The following DLG2 variants were observed in gnomAD, a reference collection of about 807,000 sequenced individuals.
The protein encoded by DLG2 is discs large MAGUK scaffold protein 2.
A neutral mutation model predicts 132.5 loss-of-function variants in DLG2; 45 were observed. The observed-to-expected ratio is 0.34, with a 90% CI of 0.27 to 0.44. The LOEUF is 0.44. DLG2 is among the 20% of genes least tolerant of loss of function. The pLI is 1.00. For missense variants in DLG2, 1,045 were observed against 1,196.9 expected, an observed-to-expected ratio of 0.87 and a Z score of 1.87; for synonymous variants, 424 against 419.6, an observed-to-expected ratio of 1.01 and a Z score of -0.13.
intron 6 of DLG2, among the ~76,000 whole-genome samples, chr11:84,746,344 T>A (rs1048799083): frequency 2.0e-5 from 3 of 151,768 alleles, no homozygotes; most frequent in African/African-American, 7.3e-5. Flanking sequence ...TACTACTGAA[T>A]AAAGGTGACA....
chr11:85,585,720 T>A (rs1486409718), intron 3 of DLG2, among the ~76,000 whole-genome samples: 1 of 152,054 alleles, frequency 6.6e-6, no homozygotes, highest in Non-Finnish European at 1.5e-5. Flanking sequence ...TCACAGTTTT[T>A]TTTTTTTTTC....
At chr11:83,583,284 G>T (rs995841353) in intron 19 of DLG2, among the ~76,000 whole-genome samples, 3 of 152,152 alleles carry the variant, frequency 2.0e-5, no homozygotes, top group Non-Finnish European at 2.9e-5. Context: ...GACAGAGCAG[G>T]TCTCCTCCAG....
intron 8 of DLG2, among the ~76,000 whole-genome samples, chr11:84,169,854 C>G (rs2095776742): frequency 7.0e-6 from 1 of 141,978 alleles, no homozygotes; most frequent in African/African-American, 2.6e-5. Flanking sequence ...GCCTGGGCAA[C>G]AGAGTGAGAC....
intron 16 of DLG2, among the ~76,000 whole-genome samples, chr11:83,836,857 A>G (rs1034555772): frequency 6.6e-6 from 1 of 152,172 alleles, no homozygotes; most frequent in Non-Finnish European, 1.5e-5. Context: ...TTTGATGTAA[A>G]ATAGAGTCCT....
At chr11:84,700,766 C>T (rs746818912) in intron 6 of DLG2, among the ~76,000 whole-genome samples, 3 of 151,514 alleles carry the variant, frequency 2.0e-5, no homozygotes, top group African/African-American at 7.3e-5. Context: ...TTTGTTTGCA[C>T]TTTTAATTAT....
intron 7 of DLG2, among the ~76,000 whole-genome samples, chr11:84,354,361 T>C (rs780747433): frequency 2.6e-4 from 40 of 152,182 alleles, no homozygotes; most frequent in Non-Finnish European, 5.0e-4. Context: ...TAAATTTGCA[T>C]TAGTAAATTT....
chr11:84,770,813 T>A (rs1451845194), intron 6 of DLG2, among the ~76,000 whole-genome samples: 7 of 119,396 alleles, frequency 5.9e-5, no homozygotes, highest in Non-Finnish European at 1.3e-4. Flanking sequence ...GCCTGGCTAA[T>A]TTTTTTTTTT....
In DLG2 at chr11:84,412,002, T is replaced by A. The variant is rs139501577; in HGVS notation, c.519+122568A>T. Among the ~76,000 whole-genome samples, 5 of 151,710 alleles carry A rather than the reference T, an allele frequency of 3.3e-5. No homozygotes were observed. The East Asian group carries it at 9.8e-4, about 30-fold the overall frequency. On this transcript the variant is annotated intron_variant, in intron 7 of 27. Transcript: ENST00000376104. Reference sequence around the variant, plus strand: ...CAGAGGAGTGCAAGTTCTACACTATTGACATACAGATGGAAATGCCATAAT... The same window carrying A: ...CAGAGGAGTGCAAGTTCTACACTATAGACATACAGATGGAAATGCCATAAT...
intron 6 of DLG2, among the ~76,000 whole-genome samples, chr11:84,812,904 G>A (rs1315116085): frequency 6.6e-6 from 1 of 152,026 alleles, no homozygotes; most frequent in African/African-American, 2.4e-5. Flanking sequence ...CGTTTTCATT[G>A]GCTCACTGTG....
At chr11:85,511,332 C>A (rs954708357) in intron 3 of DLG2, among the ~76,000 whole-genome samples, 1 of 151,774 alleles carries the variant, frequency 6.6e-6, no homozygotes, top group African/African-American at 2.4e-5. Flanking sequence ...TGTAACAAAC[C>A]TGCATGTTGT....
At chr11:83,673,006 G>A (rs183557548) in intron 18 of DLG2, among the ~76,000 whole-genome samples, 180 of 152,234 alleles carry the variant, frequency 1.2e-3, no homozygotes, top group Admixed American at 4.0e-3. Context: ...AGGTTGCAGT[G>A]AGCCAAGATA....
At chr11:84,270,075 G>A (rs1035366851) in intron 7 of DLG2, among the ~76,000 whole-genome samples, 5 of 152,134 alleles carry the variant, frequency 3.3e-5, no homozygotes, top group African/African-American at 1.2e-4. Context: ...TACTAATTAT[G>A]AGACTGTTTT....
intron 17 of DLG2, among the ~76,000 whole-genome samples, chr11:83,800,373 G>A (rs2044023919): frequency 6.6e-6 from 1 of 152,158 alleles, no homozygotes; most frequent in Non-Finnish European, 1.5e-5. Context: ...GAGACAAACA[G>A]ATCATTATGC....
intron 3 of DLG2, among the ~76,000 whole-genome samples, chr11:85,572,281 C>T (rs1032481820): frequency 6.6e-6 from 1 of 152,176 alleles, no homozygotes; most frequent in Non-Finnish European, 1.5e-5. Context: ...TTATAGTTTT[C>T]ATCACATGGA....
chr11:85,464,958 C>T (rs1166526813), intron 3 of DLG2, among the ~76,000 whole-genome samples: 1 of 150,894 alleles, frequency 6.6e-6, no homozygotes, highest in Non-Finnish European at 1.5e-5. Flanking sequence ...CTTGTAATCC[C>T]AGCTACTTGG....
In DLG2 at chr11:84,105,257, C is replaced by T. The variant is rs1311979761; in HGVS notation, c.625-6210G>A. Among the ~76,000 whole-genome samples the T allele has an allele frequency of 2.6e-5, 4 of 152,100 alleles. No homozygotes were observed. The South Asian group carries it at 6.2e-4, about 24-fold the overall frequency. On this transcript the variant is annotated intron_variant, in intron 9 of 27. Transcript: ENST00000376104. ...TTAGTGGAAAAACATAGATCTGGGTCGTTTTAACCTGGGTTTGCACACTGG... is the reference window on the plus strand; with the variant it reads ...TTAGTGGAAAAACATAGATCTGGGTTGTTTTAACCTGGGTTTGCACACTGG...
chr11:84,597,410 G>A (rs12275488), intron 6 of DLG2, among the ~76,000 whole-genome samples: 1 of 151,956 alleles, frequency 6.6e-6, no homozygotes, highest in African/African-American at 2.4e-5. Flanking sequence ...AGTTGATACT[G>A]TTCTCAAAAG....
intron 3 of DLG2, among the ~76,000 whole-genome samples, chr11:85,544,184 G>A (rs998678422): frequency 1.1e-4 from 16 of 152,248 alleles, no homozygotes; most frequent in African/African-American, 3.6e-4. Flanking sequence ...ATAAGGAAGG[G>A]ATCCAGTTTC....
At chr11:83,935,123 T>C (rs1206977142) in intron 14 of DLG2, among the ~76,000 whole-genome samples, 1 of 152,216 alleles carries the variant, frequency 6.6e-6, no homozygotes, top group East Asian at 1.9e-4. Flanking sequence ...GCCCTGTATT[T>C]GCAGAATATA....
Sources: gnomAD v4.1 joint callset for allele counts (sites outside exome capture counted in the v4.1 genomes callset) on GRCh38, gnomAD v4.1.1 for gene constraint, MANE v1.5 for transcripts, NCBI Gene and HGNC (gene_info 2026-07-23, HGNC 2026-07-21) for gene names.